ABCA12: variants seen among roughly 807,000 people sequenced by gnomAD.
The protein encoded by ABCA12 is ATP binding cassette subfamily A member 12.
A neutral mutation model predicts 293.5 loss-of-function variants in ABCA12; 156 were observed. The ratio of observed to expected loss-of-function variants is 0.53; its 90% CI spans 0.47 to 0.61. The LOEUF (loss-of-function observed/expected upper bound fraction) is 0.61. Among genes scored for constraint, ABCA12 ranks in the 20% least tolerant of loss-of-function variants. The probability of loss-of-function intolerance (pLI) is 0.00; values close to 1 mark genes in which losing one functional copy is unlikely to be tolerated. For missense variants in ABCA12, 2,797 were observed against 3,090.2 expected, an observed-to-expected ratio of 0.91 and a Z score of 2.25; for synonymous variants, 1,063 against 1,108.0, an observed-to-expected ratio of 0.96 and a Z score of 0.81.
In ABCA12 at chr2:215,001,548, C is replaced by G; in HGVS notation, c.2863+10G>C. 6 of 1,613,548 alleles carry G rather than the reference C, an allele frequency of 3.7e-6. No homozygotes were observed. Among genetic ancestry groups the G allele is most frequent in the Non-Finnish European group, 4.2e-6 (5 of 1,179,644 alleles). ...AAGAGATGCTCAAACCCTAATAGAA[C>G]AGCACTTACTTCCAAAGAGTTCGTT... On this transcript the variant is annotated intron_variant, in intron 21 of 52. Transcript: ENST00000272895.
chr2:215,095,011 A>C (rs1575040473), intron 2 of ABCA12, among the ~76,000 whole-genome samples: 1 of 152,100 alleles, frequency 6.6e-6, no homozygotes, highest in Non-Finnish European at 1.5e-5. Flanking sequence ...CCTTATCCCC[A>C]AAAATCAATT....
intron 7 of ABCA12, among the ~76,000 whole-genome samples, chr2:215,043,773 T>A (rs1438484004): frequency 6.6e-6 from 1 of 152,116 alleles, no homozygotes; most frequent in Non-Finnish European, 1.5e-5. Flanking sequence ...GTAACCACCA[T>A]GCCAATTAAG....
At chr2:215,121,834 C>T (rs1017804168) in intron 1 of ABCA12, among the ~76,000 whole-genome samples, 1 of 152,124 alleles carries the variant, frequency 6.6e-6, no homozygotes, top group Non-Finnish European at 1.5e-5. Context: ...TGCCTGCTGC[C>T]ATGTAAGATG....
intron 26 of ABCA12, among the ~76,000 whole-genome samples, chr2:214,989,058 A>G (rs1372897032): frequency 6.7e-6 from 1 of 149,520 alleles, no homozygotes; most frequent in Non-Finnish European, 1.5e-5. Flanking sequence ...ACGTGCCTAT[A>G]ATCCCAGCTA....
chr2:214,967,103 T>C, intron 38 of ABCA12, 150 bp from the exon 39 acceptor site: 1 of 747,296 alleles, frequency 1.3e-6, no homozygotes, highest in Non-Finnish European at 2.3e-6. Context: ...CACTGTTCTC[T>C]AGAGTACTGA....
intron 50 of ABCA12, among the ~76,000 whole-genome samples, chr2:214,938,723 A>C (rs4381786): frequency 0.39 from 58,956 of 151,190 alleles, 11,532 homozygotes; most frequent in South Asian, 0.46. Context: ...CAGTAATGAG[A>C]TTTTCTTCAT....
intron 1 of ABCA12, among the ~76,000 whole-genome samples, chr2:215,116,009 G>A (rs561239091): frequency 2.0e-4 from 30 of 152,276 alleles, no homozygotes; most frequent in African/African-American, 7.0e-4. Flanking sequence ...TCCCCCATTA[G>A]GGGAGTCAGG....
chr2:215,012,944 T>C (rs1450720738), intron 15 of ABCA12: 1 of 152,230 alleles, frequency 6.6e-6, no homozygotes, highest in Non-Finnish European at 1.5e-5. Context: ...TTACATGATT[T>C]ATCAGGCTAA....
intron 3 of ABCA12, among the ~76,000 whole-genome samples, chr2:215,055,308 G>T (rs894792642): frequency 3.9e-5 from 6 of 152,056 alleles, no homozygotes; most frequent in Admixed American, 2.6e-4. Flanking sequence ...TGTGCAACAT[G>T]ATCACACTAG....
chr2:214,999,135 C>T (rs1000616246), intron 22 of ABCA12, among the ~76,000 whole-genome samples: 2 of 151,948 alleles, frequency 1.3e-5, no homozygotes, highest in African/African-American at 4.8e-5. Context: ...TTGTTGTTTC[C>T]TGGGAAACTG....
intron 2 of ABCA12, among the ~76,000 whole-genome samples, chr2:215,099,585 C>T (rs35751255): frequency 0.33 from 50,471 of 151,634 alleles, 8,928 homozygotes; most frequent in Non-Finnish European, 0.4. Flanking sequence ...CCCAGCTACT[C>T]GGGAGGCTGA....
chr2:214,990,800 C>T lies in ABCA12; in HGVS notation c.3526G>A (p.Ala1176Thr). ...ATGTAGATGAGGCTTCCGATCAGAG[C>T]TGCAATGTTGGTGTTGTTGAAGAAG... ...SVFFNNTNIA[A>T]LIGSLIYIIA... is the part of the protein sequence containing the mutation. The change falls in exon 24 of 53, where the codon GCT (alanine) becomes ACT (threonine). Residue 1176 changes from alanine to threonine, a missense_variant. By Grantham distance (58) the Ala-to-Thr change is moderately conservative. This residue lies in a region of ABCA12 where 2,130 missense variants were observed against 2,427.0 expected (regional missense o/e 0.88). Coordinates refer to ENST00000272895, the MANE Select transcript of ABCA12 (RefSeq NM_173076.3). 6.8e-6 allele frequency: 11 copies of T among 1,614,042 alleles called. No individual in the cohort carries two copies. Among genetic ancestry groups the T allele is most frequent in the Non-Finnish European group, 8.5e-6 (10 of 1,179,998 alleles).
intron 31 of ABCA12, 109 bp downstream of exon 31, chr2:214,980,374 G>C (rs1251740265): frequency 1.4e-6 from 2 of 1,427,594 alleles, no homozygotes; most frequent in Non-Finnish European, 9.7e-7. Context: ...CAGTAAGCTA[G>C]TATACTAATG....
intron 1 of ABCA12, among the ~76,000 whole-genome samples, chr2:215,114,813 A>C (rs1340070931): frequency 6.6e-6 from 1 of 152,206 alleles, no homozygotes; most frequent in Non-Finnish European, 1.5e-5. Context: ...TGGATTTATC[A>C]GTTTTGTATT....
At chr2:215,076,555 T>C (rs756181288) in intron 2 of ABCA12, among the ~76,000 whole-genome samples, 5 of 152,114 alleles carry the variant, frequency 3.3e-5, no homozygotes, top group Admixed American at 6.6e-5. Context: ...TCTCATCCCA[T>C]GGTGGGGAAA....
Position 214,997,706 on chromosome 2 carries a change from G to C in ABCA12, c.3283C>G (p.Arg1095Gly). 1 of 1,605,976 alleles carries C rather than the reference G, an allele frequency of 6.2e-7. No individual in the cohort carries two copies. Among genetic ancestry groups the C allele is most frequent in the Non-Finnish European group, 8.5e-7 (1 of 1,172,938 alleles). The change falls in exon 23 of 53, where the codon CGG (arginine) becomes GGG (glycine). Residue 1095 changes from arginine to glycine, a missense_variant. This residue lies in a region of ABCA12 where 2,130 missense variants were observed against 2,427.0 expected (regional missense o/e 0.88). Coordinates refer to ENST00000272895, the MANE Select transcript of ABCA12 (RefSeq NM_173076.3). ...GATTTTCAACATACCTCATGAAGCCGGAGGTCTTTCTCATAGACAAGCTTT... is the reference window on the plus strand; with the variant it reads ...GATTTTCAACATACCTCATGAAGCCCGAGGTCTTTCTCATAGACAAGCTTT... ...VKKLVYEKDLRLHEYMKMMGV... is the reference protein window; with the variant it reads ...VKKLVYEKDLGLHEYMKMMGV...
At chr2:214,960,448 C>T (rs973575331) in intron 39 of ABCA12, 2 of 152,074 alleles carry the variant, frequency 1.3e-5, no homozygotes, top group African/African-American at 4.8e-5. Flanking sequence ...TTTTACTCCA[C>T]TATGCAAAAT....
intron 2 of ABCA12, among the ~76,000 whole-genome samples, chr2:215,090,374 C>T (rs1702118955): frequency 6.6e-6 from 1 of 152,192 alleles, no homozygotes; most frequent in African/African-American, 2.4e-5. Context: ...TGTCCTCACT[C>T]TGTGAGGAGA....
intron 44 of ABCA12, among the ~76,000 whole-genome samples, chr2:214,953,476 G>C (rs1698843788): frequency 6.6e-6 from 1 of 152,052 alleles, no homozygotes; most frequent in Non-Finnish European, 1.5e-5. Flanking sequence ...TTGCCAACAT[G>C]CTCCACACTC....
Sources: gnomAD v4.1 joint callset for allele counts (sites outside exome capture counted in the v4.1 genomes callset) on GRCh38, gnomAD v4.1.1 for gene constraint, gnomAD v4.1.1 regional missense constraint, MANE v1.5 for transcripts, NCBI Gene and HGNC (gene_info 2026-07-23, HGNC 2026-07-21) for gene names.